PDE4B: variants seen among roughly 807,000 people sequenced by gnomAD.
PDE4B encodes phosphodiesterase 4B, also known as 3',5'-cyclic-AMP phosphodiesterase 4B.
PDE4B carries 20 observed loss-of-function variants against 82.2 expected under a neutral mutation model. The observed-to-expected ratio is 0.24, with a 90% confidence interval of 0.17 to 0.35. PDE4B has a LOEUF of 0.35. Among genes scored for constraint, PDE4B ranks in the 10% least tolerant of loss-of-function variants. The probability of loss-of-function intolerance (pLI) is 1.00; values close to 1 mark genes in which losing one functional copy is unlikely to be tolerated. For synonymous variants in PDE4B, 320 were observed against 318.9 expected (o/e 1.00, Z -0.04); for missense variants, 655 against 907.2 (o/e 0.72, Z 3.57).
chr1:65,800,786 G>A (rs58244311), intron 1 of PDE4B, among the ~76,000 whole-genome samples: 2,351 of 152,256 alleles, frequency 0.015, 25 homozygotes, highest in East Asian at 0.042. Context: ...GAGTGGTCAC[G>A]GTTGGGCTAA....
At chr1:66,038,631 G>A (rs192422843) in intron 3 of PDE4B, among the ~76,000 whole-genome samples, 34 of 152,026 alleles carry the variant, frequency 2.2e-4, no homozygotes, top group Admixed American at 3.3e-4. Flanking sequence ...GTGGGGAAGC[G>A]GGTCACAGTT....
At chr1:65,904,680 T>C (rs1647008619) in intron 1 of PDE4B, among the ~76,000 whole-genome samples, 2 of 152,158 alleles carry the variant, frequency 1.3e-5, no homozygotes, top group African/African-American at 4.8e-5. Context: ...TGCTTCCAAG[T>C]GGCAGCAGAC....
chr1:66,025,361 A>G (rs910255587), intron 3 of PDE4B, among the ~76,000 whole-genome samples: 1 of 152,142 alleles, frequency 6.6e-6, no homozygotes, highest in Non-Finnish European at 1.5e-5. Flanking sequence ...GATAAAAAGG[A>G]GAAGTTTGAA....
At chr1:66,034,100 C>T (rs1335583542) in intron 3 of PDE4B, among the ~76,000 whole-genome samples, 3 of 152,140 alleles carry the variant, frequency 2.0e-5, no homozygotes, top group African/African-American at 4.8e-5. Context: ...CCTAATCTTC[C>T]TCCTTACCTC....
chr1:65,975,455 G>A (rs1442243990), intron 3 of PDE4B, among the ~76,000 whole-genome samples: 1 of 152,152 alleles, frequency 6.6e-6, no homozygotes, highest in East Asian at 1.9e-4. Flanking sequence ...CTGGCCATGT[G>A]GTAGAAAAGA....
At chr1:66,064,903 C>T (rs1290379401) in intron 3 of PDE4B, among the ~76,000 whole-genome samples, 1 of 151,802 alleles carries the variant, frequency 6.6e-6, no homozygotes, top group Non-Finnish European at 1.5e-5. Context: ...GTCTTTTCCC[C>T]TAAACTATAT....
intron 3 of PDE4B, among the ~76,000 whole-genome samples, chr1:66,040,723 GAA>G (rs1041564825): frequency 6.7e-6 from 1 of 150,150 alleles, no homozygotes; most frequent in African/African-American, 2.5e-5. Flanking sequence ...CTTTGCTCAG[GAA>G]ATTAAGTTTT....
At chr1:65,830,056 G>A (rs1646064843) in intron 1 of PDE4B, among the ~76,000 whole-genome samples, 1 of 152,092 alleles carries the variant, frequency 6.6e-6, no homozygotes, top group African/African-American at 2.4e-5. Context: ...AATACAAGAT[G>A]TGCTTGAAAT....
At chr1:66,153,827 G>T (rs1646449957) in intron 3 of PDE4B, among the ~76,000 whole-genome samples, 2 of 152,140 alleles carry the variant, frequency 1.3e-5, no homozygotes, top group Non-Finnish European at 2.9e-5. Flanking sequence ...GGCTGGAAAG[G>T]TCTGTCCTCA....
chr1:65,939,767 GA>G (rs1648344286), intron 3 of PDE4B, among the ~76,000 whole-genome samples: 2 of 152,102 alleles, frequency 1.3e-5, no homozygotes, highest in African/African-American at 4.8e-5. Context: ...AAGCTTTGTA[GA>G]CTGTCTGAGC....
intron 3 of PDE4B, among the ~76,000 whole-genome samples, chr1:66,105,162 A>G (rs1424997619): frequency 6.6e-6 from 1 of 151,128 alleles, no homozygotes; most frequent in African/African-American, 2.4e-5. Context: ...ACATATGGCT[A>G]GCCAGTTTTC....
chr1:66,163,411 C>T (rs999612976), intron 3 of PDE4B, among the ~76,000 whole-genome samples: 1 of 152,060 alleles, frequency 6.6e-6, no homozygotes, highest in East Asian at 1.9e-4. Flanking sequence ...ACTTTAGGAA[C>T]TCTATAATAA....
At chr1:66,354,762 TTCCTGATCCTTTCGGGATTGC>T (rs1662103520) in intron 8 of PDE4B, 1 of 1,522,934 alleles carries the variant, frequency 6.6e-7, no homozygotes, top group African/African-American at 1.4e-5. Flanking sequence ...CTGCAGGGCT[TTCCTGATCCTTTCGGGATTGC>T]TCTCTCAGAA....
chr1:66,067,150 C>T (rs1022382296), intron 3 of PDE4B, among the ~76,000 whole-genome samples: 9 of 152,108 alleles, frequency 5.9e-5, no homozygotes, highest in South Asian at 2.1e-4. Flanking sequence ...AGTAAACATA[C>T]GTGTGCATGT....
intron 7 of PDE4B, among the ~76,000 whole-genome samples, chr1:66,315,042 G>A (rs1019121720): frequency 8.9e-4 from 136 of 152,156 alleles, no homozygotes; most frequent in African/African-American, 2.5e-3. Context: ...TACTTACTGG[G>A]ACCTACTGTT....
intron 3 of PDE4B, among the ~76,000 whole-genome samples, chr1:66,100,938 C>T (rs975048523): frequency 6.6e-6 from 1 of 152,026 alleles, no homozygotes; most frequent in Non-Finnish European, 1.5e-5. Context: ...CCCATTAACT[C>T]GTCATTTACA....
At chr1:66,304,330 A>G (rs1231669184) in intron 7 of PDE4B, among the ~76,000 whole-genome samples, 1 of 152,106 alleles carries the variant, frequency 6.6e-6, no homozygotes, top group East Asian at 1.9e-4. Context: ...TTACAAAACT[A>G]AGAAGTGGAC....
At chr1:66,026,220 A>G (rs1653424611) in intron 3 of PDE4B, among the ~76,000 whole-genome samples, 1 of 152,194 alleles carries the variant, frequency 6.6e-6, no homozygotes, top group African/African-American at 2.4e-5. Flanking sequence ...AGTAGAAGGC[A>G]TGGTCAGGAC....
intron 3 of PDE4B, among the ~76,000 whole-genome samples, chr1:66,051,503 A>G (rs1655025254): frequency 1.3e-5 from 2 of 152,180 alleles, no homozygotes; most frequent in African/African-American, 4.8e-5. Context: ...AAGAGAAAAG[A>G]GAAGATTTCT....
Sources: allele counts gnomAD v4.1 joint callset (sites outside exome capture counted in the v4.1 genomes callset), GRCh38; gene constraint gnomAD v4.1.1; transcripts MANE v1.5; gene names NCBI Gene and HGNC (gene_info 2026-07-23, HGNC 2026-07-21).